CAPN2: variants seen among roughly 807,000 people sequenced by gnomAD.
CAPN2 encodes calpain 2.
Under a neutral mutation model 102.3 loss-of-function variants are expected in CAPN2, and 92 were observed. The observed-to-expected ratio is 0.90, with a 90% CI of 0.76 to 1.07. The LOEUF (loss-of-function observed/expected upper bound fraction) is 1.07, where lower values mean the gene tolerates loss of function less well. Among genes scored for constraint, CAPN2 ranks in the 50% least tolerant of loss-of-function variants. The pLI is 0.00. For missense variants in CAPN2, 800 were observed against 909.4 expected (o/e 0.88, Z 1.55); for synonymous variants, 340 against 355.4 (o/e 0.96, Z 0.49).
In CAPN2 at chr1:223,770,443, C is replaced by T. The variant is rs1388840684; in HGVS notation, c.1825-4C>T. 2.5e-6 allele frequency: 4 copies of T among 1,610,710 alleles called. No individual in the cohort carries two copies. The highest frequency in any genetic ancestry group is 3.4e-6 in the Non-Finnish European group (4 of 1,177,394). On this transcript the variant is annotated splice_polypyrimidine_tract_variant and splice_region_variant and intron_variant, in intron 17 of 20. Coordinates refer to ENST00000295006, the MANE Select transcript of CAPN2 (RefSeq NM_001748.5). ...AGTTCTTACAGCTAACTTATGTGTT[C>T]CAGAAAATTTACCGAGAAATCGACG...
chr1:223,709,242 G>T (rs1659678431), upstream of CAPN2, among the ~76,000 whole-genome samples: 1 of 152,174 alleles, frequency 6.6e-6, no homozygotes, highest in Admixed American at 6.5e-5. Flanking sequence ...CAAGCAAAGG[G>T]GGTAAGCAAT....
At chr1:223,769,266 G>A (rs1463059694) in intron 16 of CAPN2, among the ~76,000 whole-genome samples, 2 of 152,014 alleles carry the variant, frequency 1.3e-5, no homozygotes, top group African/African-American at 4.8e-5. Context: ...GACTACAGGT[G>A]CGCGCCACCA....
In CAPN2 at chr1:223,747,118, A is replaced by G; in HGVS notation, c.682A>G (p.Ile228Val). The part of the protein sequence containing the change: ...KKPPPNLFKI[I>V]QKALQKGSLL... ...GCCCCCTCCCAACCTGTTCAAGATC[A>G]TCCAGAAAGCTCTGCAAAAAGGCTC... Residue 228 changes from isoleucine to valine, a missense_variant, in exon 5 of 21, where the codon ATC becomes GTC. Transcript: ENST00000295006. 6.2e-7 allele frequency: 1 copy of G among 1,613,986 alleles called. No individual in the cohort carries two copies. Among genetic ancestry groups the G allele is most frequent in the Non-Finnish European group, 8.5e-7 (1 of 1,179,904 alleles).
At chr1:223,718,630 A>T (rs1366334616) in intron 2 of CAPN2, among the ~76,000 whole-genome samples, 1 of 152,216 alleles carries the variant, frequency 6.6e-6, no homozygotes, top group Non-Finnish European at 1.5e-5. Flanking sequence ...ACTAGAGCAG[A>T]TTATTTGCTC....
chr1:223,709,747 CACA>C (rs1296815490), upstream of CAPN2, among the ~76,000 whole-genome samples: 6 of 151,988 alleles, frequency 3.9e-5, no homozygotes, highest in Admixed American at 3.9e-4. Context: ...ACCAAAGCAG[CACA>C]ATTTACATGA....
At chr1:223,762,092 GGGGAGTGGGA>G in intron 13 of CAPN2, 84 bp from the exon 14 acceptor site, 1 of 1,015,928 alleles carries the variant, frequency 9.8e-7, no homozygotes, top group Non-Finnish European at 1.5e-6. Flanking sequence ...GGGTAGAGAA[GGGGAGTGGGA>G]GGTGGCTGCC....
rs1491526049 is a variant in CAPN2, at chr1:223,742,519, T to TATA, written c.308-1581_308-1580insATA. Among the ~76,000 whole-genome samples, 180 of 51,998 alleles carry TATA rather than the reference T, an allele frequency of 3.5e-3. 1 individual carries two copies. Among genetic ancestry groups the TATA allele is most frequent in the African/African-American group, 0.018 (154 of 8,550 alleles). 34.1% of individuals were successfully genotyped at this position (51,998 alleles called of 152,430 possible). A position where few individuals can be genotyped will look rare whatever the true frequency, so the allele number is the denominator to read the frequency against. Reference sequence around the variant, plus strand: ...GTGTGTATATATATATATATATATATTTTTTTTTTTTTTTTTGAGACAGGG... The same window carrying TATA: ...GTGTGTATATATATATATATATATATATATTTTTTTTTTTTTTTTGAGACAGGG... On this transcript the variant is annotated intron_variant, in intron 2 of 20. Coordinates refer to ENST00000295006, the MANE Select transcript of CAPN2 (RefSeq NM_001748.5).
chr1:223,748,245 AAAGG>A (rs1225997794), intron 5 of CAPN2, among the ~76,000 whole-genome samples: 7 of 152,250 alleles, frequency 4.6e-5, no homozygotes, highest in Non-Finnish European at 8.8e-5. Context: ...GCCTTGGAGC[AAAGG>A]CTGTGCCCAA....
intron 3 of CAPN2, 57 bp downstream of exon 3, chr1:223,744,275 T>C (rs1660693325): frequency 6.2e-6 from 7 of 1,121,246 alleles, no homozygotes; most frequent in Non-Finnish European, 9.6e-6. Context: ...CTAGGAACAG[T>C]CTTCTGGCTT....
At chr1:223,704,150 G>T (rs1222243523) in intron 1 of CAPN2, among the ~76,000 whole-genome samples, 2 of 152,034 alleles carry the variant, frequency 1.3e-5, no homozygotes, top group East Asian at 3.9e-4. Context: ...AATTAGCAGG[G>T]CATGGTGGCG....
chr1:223,760,658 A>C (rs953342909), intron 12 of CAPN2, among the ~76,000 whole-genome samples: 2 of 152,120 alleles, frequency 1.3e-5, no homozygotes, highest in African/African-American at 2.4e-5. Context: ...TTAGAATAAC[A>C]GTGTCCTTTG....
Position 223,725,523 on chromosome 1 carries a change from C to T in CAPN2, c.307+7692C>T, listed in dbSNP as rs1053758759. Among the ~76,000 whole-genome samples, 3 of 152,152 alleles carry T rather than the reference C, an allele frequency of 2.0e-5. No individual in the cohort carries two copies. The highest frequency in any genetic ancestry group is 4.4e-5 in the Non-Finnish European group (3 of 68,038). On this transcript the variant is annotated intron_variant, in intron 2 of 20. Transcript: ENST00000295006. This position sits in a 1 kb window ranked among gnomAD's most constrained non-coding sequence, Gnocchi z 4.1. ...TTGCACGTTCTCTTTGGGGACAGTA[C>T]AGCTGGAGGGGAGTACTGTCAAATG...
At position 223,731,368 on chromosome 1, in the gene CAPN2, G is replaced by A. The variant is rs1218693848; in HGVS notation, c.308-12732G>A. 6.6e-6 allele frequency among the ~76,000 whole-genome samples: 1 copy of A among 151,914 alleles called. No homozygotes were observed. Among genetic ancestry groups the A allele is most frequent in the African/African-American group, 2.4e-5 (1 of 41,350 alleles). ...AGTTCCCAATGCCCAGCCCCACAATGCCCGTCCTGCTGCCTGCCTGTTCTG... is the reference window on the plus strand; with the variant it reads ...AGTTCCCAATGCCCAGCCCCACAATACCCGTCCTGCTGCCTGCCTGTTCTG... On this transcript the variant is annotated intron_variant, in intron 2 of 20. Transcript: ENST00000295006. This position sits in a 1 kb window ranked among gnomAD's most constrained non-coding sequence, Gnocchi z 4.2.
intron 3 of CAPN2, among the ~76,000 whole-genome samples, chr1:223,744,733 G>T (rs1660710065): frequency 6.6e-6 from 1 of 151,972 alleles, no homozygotes; most frequent in African/African-American, 2.4e-5. Context: ...TAGTAGTGCA[G>T]GCCTGTAATC....
chr1:223,714,633 A>AAC (rs1408773468), intron 1 of CAPN2, among the ~76,000 whole-genome samples: 1 of 151,792 alleles, frequency 6.6e-6, no homozygotes, highest in East Asian at 1.9e-4. Flanking sequence ...AAAAAAAAAA[A>AAC]AAAAAAAGTG....
chr1:223,774,697 A>C (rs1661568329), intron 20 of CAPN2, 137 bp from the exon 21 acceptor site: 3 of 714,090 alleles, frequency 4.2e-6, no homozygotes, highest in Non-Finnish European at 7.4e-6. Context: ...TAAGAAAAAT[A>C]TGAGTTAGTG....
intron 1 of CAPN2, among the ~76,000 whole-genome samples, chr1:223,702,020 G>A (rs1157422718): frequency 9.4e-5 from 6 of 63,560 alleles, no homozygotes; most frequent in African/African-American, 2.8e-4. Context: ...AAAAAAAAAA[G>A]AGAGGGAAGG....
At position 223,766,760 on chromosome 1, in the gene CAPN2, G is replaced by A. The variant is rs28370155; in HGVS notation, c.1755+329G>A. Among the ~76,000 whole-genome samples, 1,060 of 152,246 alleles carry A rather than the reference G, an allele frequency of 7.0e-3. 18 individuals carry two copies. The highest frequency in any genetic ancestry group is 0.024 in the African/African-American group (987 of 41,530). ...CTGACTCACGAGGTCAGGAGTTCGA[G>A]ACCAGCCTGACCAACATGGTGAAAC... On this transcript the variant is annotated intron_variant, in intron 16 of 20. Coordinates refer to ENST00000295006, the MANE Select transcript of CAPN2 (RefSeq NM_001748.5).
rs140568007 is a variant in CAPN2, at chr1:223,764,071, T to A, written c.1633-79T>A. ...TCATAGGCCCCACCGCAGGCCTACCTAATGCACTGGTGTCCTGCCCTGTGC... is the reference window on the plus strand; with the variant it reads ...TCATAGGCCCCACCGCAGGCCTACCAAATGCACTGGTGTCCTGCCCTGTGC... On this transcript the variant is annotated intron_variant, in intron 14 of 20. Transcript: ENST00000295006. 1,269 of 1,116,096 alleles carry A rather than the reference T, an allele frequency of 1.1e-3. 21 individuals carry two copies. The African/African-American group carries it at 0.017, about 15-fold the overall frequency. 69.1% of individuals were successfully genotyped at this position (1,116,096 alleles called of 1,614,324 possible).
Sources: gnomAD v4.1 joint callset for allele counts (sites outside exome capture counted in the v4.1 genomes callset) on GRCh38, gnomAD v4.1.1 for gene constraint, Gnocchi (gnomAD v3.1) non-coding constraint, MANE v1.5 for transcripts, NCBI Gene and HGNC (gene_info 2026-07-23, HGNC 2026-07-21) for gene names.